The following ANGEL2 variants were observed in gnomAD, a reference collection of about 807,000 sequenced individuals.
ANGEL2 encodes angel homolog 2.
ANGEL2 carries 41 observed loss-of-function variants against 66.0 expected under a neutral mutation model. The observed-to-expected ratio is 0.62, with a 90% CI of 0.48 to 0.81. The LOEUF is 0.81. Among genes scored for constraint, ANGEL2 ranks in the 30% least tolerant of loss-of-function variants. ANGEL2 has a pLI of 0.00. For synonymous variants in ANGEL2, 208 were observed against 226.5 expected, an observed-to-expected ratio of 0.92 and a Z score of 0.73; for missense variants, 561 against 641.6, an observed-to-expected ratio of 0.87 and a Z score of 1.36.
Position 213,013,207 on chromosome 1 carries a change from G to A in ANGEL2, c.271C>T (p.Gln91Ter). 1.9e-6 allele frequency: 3 copies of A among 1,614,150 alleles called. No homozygotes were observed. The highest frequency in any genetic ancestry group is 2.5e-6 in the Non-Finnish European group (3 of 1,180,014). ...PCLFESRTQF[Q>*]YCNWRPDNLS... ...TTGTCAGGTCTCCAGTTACAGTACT[G>A]GAACTGAGTTCTAGACTCAAACAAA... is the stretch of plus-strand genomic sequence containing the variant. Residue 91 changes from glutamine to a stop codon, truncating the protein, a stop_gained, in exon 2 of 9, where the codon CAG becomes TAG. Transcript: ENST00000366962. LOFTEE classifies it high-confidence loss of function.
rs2076518899 is a variant in ANGEL2 at position 213,011,894 on chromosome 1, TC to T, written c.385+1198del. Among the ~76,000 whole-genome samples the T allele has an allele frequency of 3.9e-5, 6 of 152,334 alleles. No homozygotes were observed. In the South Asian group the frequency reaches 1.2e-3, roughly 32 times the overall value. On this transcript the variant is annotated intron_variant, in intron 2 of 8. Coordinates refer to ENST00000366962, the MANE Select transcript of ANGEL2 (RefSeq NM_144567.5). ...CATCATACTGCCCTATATTTATAGA[TC>T]TTAGGATTGTTCTTAGAAACCTAAT...
intron 1 of ANGEL2, 192 bp downstream of exon 1, chr1:213,015,421 G>A (rs1320521997): frequency 7.7e-6 from 11 of 1,423,446 alleles, no homozygotes; most frequent in African/African-American, 2.9e-5. Flanking sequence ...CGTCCCGCCA[G>A]CTGCGCGGCG....
intron 5 of ANGEL2, among the ~76,000 whole-genome samples, chr1:213,004,200 CAA>C (rs934613897): frequency 7.0e-6 from 1 of 142,868 alleles, no homozygotes; most frequent in Admixed American, 7.0e-5. Context: ...GACTCCATCT[CAA>C]AAAAAAAAAT....
At chr1:213,007,830 C>A (rs2076378958) in intron 3 of ANGEL2, among the ~76,000 whole-genome samples, 2 of 151,594 alleles carry the variant, frequency 1.3e-5, no homozygotes, top group Admixed American at 1.3e-4. Context: ...CATAAATGCA[C>A]AAATGAAACA....
In ANGEL2 at chr1:213,008,484, A is replaced by G. The variant is rs574771765; in HGVS notation, c.386-18T>C. 1.9e-6 allele frequency: 3 copies of G among 1,605,688 alleles called. No homozygotes were observed. In the African/African-American group the frequency reaches 4.0e-5, roughly 22 times the overall value. ...TATCACACCTGTTAAAATATATTGC[A>G]CAAATATAAGGAATTAATCAAAAGC... On this transcript the variant is annotated intron_variant, in intron 2 of 8. Coordinates refer to ENST00000366962, the MANE Select transcript of ANGEL2 (RefSeq NM_144567.5).
rs2075878113 is a variant in ANGEL2 at position 212,992,216 on chromosome 1, T to C, written c.*2825A>G. 6.6e-6 allele frequency: 1 copy of C among 152,214 alleles called. No homozygotes were observed. Among genetic ancestry groups the C allele is most frequent in the African/African-American group, 2.4e-5 (1 of 41,438 alleles). The allele number at this position is 152,214 out of a possible 1,614,324, so 9.4% of individuals were successfully genotyped here. Reference sequence around the variant, plus strand: ...AATAGTTTATTACCTAACTTACAGGTACAAAGTGCAAATGACTTGACGCCT... The same window carrying C: ...AATAGTTTATTACCTAACTTACAGGCACAAAGTGCAAATGACTTGACGCCT... On this transcript the variant is annotated 3_prime_UTR_variant, in exon 9 of 9. Transcript: ENST00000366962.
In ANGEL2 at chr1:213,015,695, T is replaced by C. The variant is rs572274877; in HGVS notation, c.-24A>G. 2.1e-4 allele frequency: 340 copies of C among 1,614,096 alleles called. 5 individuals carry two copies. The South Asian group carries it at 3.5e-3, about 17-fold the overall frequency. The stretch of plus-strand genomic sequence containing the variant: ...ATCTTCGCCCTCCGCGTGCGTCCAG[T>C]TCCCAGGCCCCGGGTTCCACCTCAA... On this transcript the variant is annotated 5_prime_UTR_variant, in exon 1 of 9. Coordinates refer to ENST00000366962, the MANE Select transcript of ANGEL2 (RefSeq NM_144567.5).
Position 213,006,297 on chromosome 1 carries a change from T to TA in ANGEL2, c.712+831dup, listed in dbSNP as rs756327349. ...TAATACGGTGAAACCCCGTCTCTAC[T>TA]AAAAAAAATTCAAAAAATTAGCTGG... On this transcript the variant is annotated intron_variant, in intron 4 of 8. Coordinates refer to ENST00000366962, the MANE Select transcript of ANGEL2 (RefSeq NM_144567.5). Among the ~76,000 whole-genome samples, 9 of 151,766 alleles carry TA rather than the reference T, an allele frequency of 5.9e-5. No homozygotes were observed. In the South Asian group the frequency reaches 6.2e-4, roughly 11 times the overall value.
intron 7 of ANGEL2, among the ~76,000 whole-genome samples, chr1:212,999,305 C>T (rs377147840): frequency 1.3e-5 from 2 of 152,220 alleles, no homozygotes; most frequent in Non-Finnish European, 2.9e-5. Context: ...TGAGCCAACA[C>T]GCCCAGCCAA....
chr1:212,996,635 AAAAAAAT>A, intron 8 of ANGEL2, among the ~76,000 whole-genome samples: 1 of 56,688 alleles, frequency 1.8e-5, no homozygotes, highest in African/African-American at 3.6e-5. Context: ...AAAAAAAAAA[AAAAAAAT>A]ATATATATAT....
chr1:213,009,345 G>T (rs1002747363), intron 2 of ANGEL2, among the ~76,000 whole-genome samples: 1 of 152,130 alleles, frequency 6.6e-6, no homozygotes, highest in African/African-American at 2.4e-5. Flanking sequence ...TTACTGCCAT[G>T]GAAACCATGA....
At chr1:212,996,170 G>GCA (rs2148128797) in intron 8 of ANGEL2, among the ~76,000 whole-genome samples, 1 of 152,238 alleles carries the variant, frequency 6.6e-6, no homozygotes, top group Admixed American at 6.5e-5. Flanking sequence ...AGCCGGGCAT[G>GCA]GTGGCGGGCG....
At position 213,003,144 on chromosome 1, in the gene ANGEL2, T is replaced by TG. The variant is rs1249989216; in HGVS notation, c.1134+1888dup. On this transcript the variant is annotated intron_variant, in intron 5 of 8. Transcript: ENST00000366962. The stretch of plus-strand genomic sequence containing the variant: ...CCTCATCTCTCAGCCTTCAAAAAAT[T>TG]GAAGAGACTTAATGCATTCCTCTGG... 6.6e-5 allele frequency among the ~76,000 whole-genome samples: 10 copies of TG among 152,326 alleles called. 1 individual carries two copies. The South Asian group carries it at 1.9e-3, about 28-fold the overall frequency.
chr1:213,009,917 G>A (rs930980102), intron 2 of ANGEL2, among the ~76,000 whole-genome samples: 1 of 151,982 alleles, frequency 6.6e-6, no homozygotes, highest in Non-Finnish European at 1.5e-5. Flanking sequence ...CGGGTGTGGT[G>A]GCATGCACCT....
intron 2 of ANGEL2, among the ~76,000 whole-genome samples, chr1:213,012,750 C>T (rs1256084351): frequency 6.6e-6 from 1 of 152,142 alleles, no homozygotes; most frequent in Non-Finnish European, 1.5e-5. Context: ...ATATAGCCAT[C>T]AATTTCTAAG....
intron 3 of ANGEL2, among the ~76,000 whole-genome samples, 190 bp downstream of exon 3, chr1:213,008,020 C>T (rs571900679): frequency 3.9e-5 from 6 of 151,930 alleles, no homozygotes; most frequent in South Asian, 2.1e-4. Flanking sequence ...TGAGCCACCA[C>T]GCCCGGCTAA....
Position 213,015,783 on chromosome 1 carries a change from T to C in ANGEL2, c.-112A>G, listed in dbSNP as rs1355775639. ...AACCCCATCACTCTTAAGTACCGAC[T>C]CCAGTCCTGGCTGCAAGGCATGCTG... On this transcript the variant is annotated 5_prime_UTR_variant, in exon 1 of 9. Transcript: ENST00000366962. The C allele has an allele frequency of 7.0e-7, 1 of 1,437,092 alleles. No individual in the cohort carries two copies. The highest frequency in any genetic ancestry group is 1.4e-5 in the African/African-American group (1 of 71,624). The allele number at this position is 1,437,092 out of a possible 1,614,324, so 89.0% of individuals were successfully genotyped here. A position where few individuals can be genotyped will look rare whatever the true frequency, so the allele number is the denominator to read the frequency against.
At chr1:212,996,074 G>A (rs191833330) in intron 8 of ANGEL2, among the ~76,000 whole-genome samples, 149 of 152,282 alleles carry the variant, frequency 9.8e-4, no homozygotes, top group African/African-American at 2.5e-3. Flanking sequence ...TTGGGAGGCC[G>A]AGGCAGGCAG....
intron 5 of ANGEL2, among the ~76,000 whole-genome samples, chr1:213,002,496 A>T (rs1195831441): frequency 6.6e-6 from 1 of 152,254 alleles, no homozygotes; most frequent in East Asian, 1.9e-4. Flanking sequence ...TTTAACTTAA[A>T]GTAACAAGCT....
Sources: allele counts gnomAD v4.1 joint callset (sites outside exome capture counted in the v4.1 genomes callset), GRCh38; gene constraint gnomAD v4.1.1; transcripts MANE v1.5; gene names NCBI Gene and HGNC (gene_info 2026-07-23, HGNC 2026-07-21).